The following CLDN16 variants were observed in gnomAD, a reference collection of about 807,000 sequenced individuals.
The protein encoded by CLDN16 is claudin 16.
CLDN16 carries 13 observed loss-of-function variants against 24.6 expected under a neutral mutation model. The observed-to-expected ratio is 0.53, with a 90% CI of 0.34 to 0.84. CLDN16 has a LOEUF of 0.84. CLDN16 is among the 40% of genes least tolerant of loss of function. The pLI, the probability that CLDN16 is intolerant of heterozygous loss-of-function variation, is 0.01. For missense variants in CLDN16, 298 were observed against 292.7 expected (o/e 1.02, Z -0.13); for synonymous variants, 116 against 106.7 (o/e 1.09, Z -0.54).
chr3:190,292,143 T>C, the CLDN16 span, among the ~76,000 whole-genome samples: 1 of 152,182 alleles, frequency 6.6e-6, no homozygotes, highest in African/African-American at 2.4e-5. Context: ...TGCACCACCG[T>C]AGCAGAGGTT....
chr3:190,330,070 A>G (rs1425583001), intron 1 of CLDN16, among the ~76,000 whole-genome samples: 1 of 152,094 alleles, frequency 6.6e-6, no homozygotes, highest in Non-Finnish European at 1.5e-5. Flanking sequence ...AATCATATAC[A>G]TGACTGAATA....
chr3:190,360,310 A>C (rs1260608444), intron 1 of CLDN16, among the ~76,000 whole-genome samples: 17 of 151,914 alleles, frequency 1.1e-4, no homozygotes, highest in Admixed American at 1.1e-3. Flanking sequence ...AGGAGGCCTG[A>C]AACCTCACAT....
chr3:190,387,439 A>G (rs1176863792), upstream of CLDN16, among the ~76,000 whole-genome samples: 1 of 152,138 alleles, frequency 6.6e-6, no homozygotes, highest in Non-Finnish European at 1.5e-5. Context: ...ATTCTTAGTC[A>G]TGTTAATATT....
chr3:190,325,761 C>G (rs936722754), intron 1 of CLDN16, among the ~76,000 whole-genome samples: 1 of 152,064 alleles, frequency 6.6e-6, no homozygotes, highest in Admixed American at 6.6e-5. Context: ...AATTTTTTTG[C>G]TTAGTGTTAA....
In CLDN16 at chr3:190,402,341, G is replaced by C. The variant is rs142152395; in HGVS notation, c.119G>C (p.Ser40Thr). The change falls in exon 2 of 5, where the codon AGC becomes ACC. Residue 40 changes from serine to threonine, a missense_variant. Coordinates refer to ENST00000264734, the MANE Select transcript of CLDN16 (RefSeq NM_006580.4). ...MVNADDSLEVSTKCRGLWWEC... is the reference protein window; with the variant it reads ...MVNADDSLEVTTKCRGLWWEC... ...GGTGTCTTCTCTAACATCTAGGTGA[G>C]CACAAAATGCCGAGGCCTCTGGTGG... 6 of 1,613,172 alleles carry C rather than the reference G, an allele frequency of 3.7e-6. No homozygotes were observed. Among genetic ancestry groups the C allele is most frequent in the African/African-American group, 1.3e-5 (1 of 74,888 alleles).
At chr3:190,330,677 A>G (rs1040666891) in intron 1 of CLDN16, among the ~76,000 whole-genome samples, 1 of 152,178 alleles carries the variant, frequency 6.6e-6, no homozygotes, top group Non-Finnish European at 1.5e-5. Flanking sequence ...TGAGAATCGG[A>G]ACAAGTACAT....
chr3:190,299,544 T>A, the CLDN16 span, among the ~76,000 whole-genome samples: 1 of 149,896 alleles, frequency 6.7e-6, no homozygotes, highest in South Asian at 2.1e-4. Context: ...TCTGTATTTT[T>A]TCTGAATTTT....
At chr3:190,372,565 G>C (rs535996062) in intron 2 of CLDN16, among the ~76,000 whole-genome samples, 9 of 151,856 alleles carry the variant, frequency 5.9e-5, no homozygotes, top group African/African-American at 2.2e-4. Flanking sequence ...GATCAATTGA[G>C]CCTAAGAGTT....
intron 3 of CLDN16, among the ~76,000 whole-genome samples, chr3:190,376,956 CAACT>C (rs752905345): frequency 6.6e-6 from 1 of 151,914 alleles, no homozygotes; most frequent in Non-Finnish European, 1.5e-5. Context: ...GCTTTAGAAT[CAACT>C]AACTATCGGA....
At chr3:190,345,614 G>A (rs1309017526) in intron 1 of CLDN16, among the ~76,000 whole-genome samples, 1 of 152,094 alleles carries the variant, frequency 6.6e-6, no homozygotes, top group Non-Finnish European at 1.5e-5. Flanking sequence ...ATGCTCTCTA[G>A]AAAGACTCTT....
intron 1 of CLDN16, among the ~76,000 whole-genome samples, chr3:190,339,900 A>G (rs1717390095): frequency 6.6e-6 from 1 of 152,222 alleles, no homozygotes; most frequent in South Asian, 2.1e-4. Flanking sequence ...ATGAACACTG[A>G]CACAAAAGTC....
At chr3:190,300,041 G>A in the CLDN16 span, among the ~76,000 whole-genome samples, 1 of 152,136 alleles carries the variant, frequency 6.6e-6, no homozygotes. Context: ...CCTACCTTGG[G>A]ACAACTTGGA....
chr3:190,320,011 A>T (rs1046945508), upstream of CLDN16, among the ~76,000 whole-genome samples: 2 of 152,232 alleles, frequency 1.3e-5, no homozygotes, highest in Admixed American at 6.5e-5. Context: ...GCTTTAAGTA[A>T]AATAAAAGTG....
intron 1 of CLDN16, among the ~76,000 whole-genome samples, chr3:190,365,819 A>G (rs549005234): frequency 6.6e-6 from 1 of 151,666 alleles, no homozygotes; most frequent in Non-Finnish European, 1.5e-5. Context: ...TAGCCGACCC[A>G]GTTCTTTTCA....
chr3:190,373,899 G>A (rs1433792602), intron 2 of CLDN16, among the ~76,000 whole-genome samples: 3 of 151,572 alleles, frequency 2.0e-5, no homozygotes, highest in Admixed American at 2.0e-4. Flanking sequence ...CAAGAGACCT[G>A]AGAGATCCTT....
chr3:190,340,507 G>T (rs1717402908), intron 1 of CLDN16, among the ~76,000 whole-genome samples: 2 of 152,102 alleles, frequency 1.3e-5, no homozygotes, highest in Admixed American at 6.5e-5. Flanking sequence ...GGGTAGCACA[G>T]GAAAGACCTC....
intron 1 of CLDN16, among the ~76,000 whole-genome samples, chr3:190,329,259 G>T (rs1453405324): frequency 6.6e-6 from 1 of 152,118 alleles, no homozygotes; most frequent in African/African-American, 2.4e-5. Flanking sequence ...GCACCCACCA[G>T]AGATGGGTGA....
chr3:190,360,579 C>A (rs535030635), intron 1 of CLDN16, among the ~76,000 whole-genome samples: 1 of 151,978 alleles, frequency 6.6e-6, no homozygotes, highest in East Asian at 1.9e-4. Context: ...GTATTATATT[C>A]CATTACATTA....
At chr3:190,346,241 A>G (rs115412573) in intron 1 of CLDN16, among the ~76,000 whole-genome samples, 215 of 152,270 alleles carry the variant, frequency 1.4e-3, no homozygotes, top group African/African-American at 5.0e-3. Flanking sequence ...TAAAAATTCA[A>G]AAGAAGTTCT....
Sources: allele counts gnomAD v4.1 joint callset (sites outside exome capture counted in the v4.1 genomes callset), GRCh38; gene constraint gnomAD v4.1.1; transcripts MANE v1.5; gene names NCBI Gene and HGNC (gene_info 2026-07-23, HGNC 2026-07-21).